The following LZTFL1 variants were observed in gnomAD, a reference collection of about 807,000 sequenced individuals.
LZTFL1 encodes the protein leucine zipper transcription factor like 1, also known as leucine zipper transcription factor-like protein 1.
In LZTFL1, 25 loss-of-function variants were observed where a neutral mutation model predicts 45.9. The observed-to-expected ratio is 0.54, with a 90% CI of 0.40 to 0.76. The LOEUF (loss-of-function observed/expected upper bound fraction) is 0.76. Among genes scored for constraint, LZTFL1 ranks in the 30% least tolerant of loss-of-function variants. LZTFL1 has a pLI of 0.00. For missense variants in LZTFL1, 277 were observed against 331.1 expected, an observed-to-expected ratio of 0.84 and a Z score of 1.27; for synonymous variants, 93 against 117.4, an observed-to-expected ratio of 0.79 and a Z score of 1.35.
At position 45,826,320 on chromosome 3, in the gene LZTFL1, T is replaced by C. The variant is rs370640323; in HGVS notation, c.894A>G (p.Glu298=). The C allele has an allele frequency of 6.2e-7, 1 of 1,612,488 alleles. No homozygotes were observed. Among genetic ancestry groups the C allele is most frequent in the African/African-American group, 1.3e-5 (1 of 74,900 alleles). Residue 298 remains glutamate (E), a synonymous_variant, in exon 10 of 10, where the codon GAA becomes GAG. Coordinates refer to ENST00000296135, the MANE Select transcript of LZTFL1 (RefSeq NM_020347.4). ...LRKRLAQYEP[E]D is the part of the protein sequence containing the mutation. Reference sequence around the variant, plus strand: ...CCAGAGGAAATCTTCAGTTTTAATCTTCAGGTTCATATCTGGAGATATAAA... The same window carrying C: ...CCAGAGGAAATCTTCAGTTTTAATCCTCAGGTTCATATCTGGAGATATAAA...
Position 45,900,757 on chromosome 3 carries a change from A to G in LZTFL1, c.-215+12363T>C. The G allele has an allele frequency of 6.4e-7, 1 of 1,555,674 alleles. No homozygotes were observed. Among genetic ancestry groups the G allele is most frequent in the Non-Finnish European group, 8.7e-7 (1 of 1,149,882 alleles). ...GAGGTCCATGCCTCTGCCATCAGAC[A>G]GGACCTTCAAAATATTTTCCTTGAC... On this transcript the variant is annotated intron_variant, in intron 2 of 4. Transcript: ENST00000472635. This position sits in a 1 kb window ranked among gnomAD's most constrained non-coding sequence, Gnocchi z 4.7.
intron 4 of LZTFL1, among the ~76,000 whole-genome samples, chr3:45,847,143 A>G (rs937867860): frequency 2.6e-5 from 4 of 152,128 alleles, no homozygotes; most frequent in African/African-American, 7.2e-5. Context: ...TAGCTCTTGA[A>G]TCTTTCTCCA....
chr3:45,870,186 G>A (rs749257795), intron 2 of LZTFL1, among the ~76,000 whole-genome samples: 1 of 152,212 alleles, frequency 6.6e-6, no homozygotes, highest in South Asian at 2.1e-4. Context: ...TGCTCACGAG[G>A]GCATGCAGAA....
At chr3:45,897,992 A>AAC (rs1553617314) in intron 2 of LZTFL1, among the ~76,000 whole-genome samples, 6 of 149,526 alleles carry the variant, frequency 4.0e-5, no homozygotes, top group East Asian at 2.0e-4. Flanking sequence ...AAAAAAAAAA[A>AAC]ACACACAAAA....
intron 2 of LZTFL1, among the ~76,000 whole-genome samples, chr3:45,903,697 G>T (rs1049533830): frequency 6.6e-6 from 1 of 152,246 alleles, no homozygotes; most frequent in South Asian, 2.1e-4. Context: ...GGGGTGAAGC[G>T]CAGGCCTTGC....
intron 2 of LZTFL1, among the ~76,000 whole-genome samples, chr3:45,866,967 G>C (rs937442135): frequency 2.6e-5 from 4 of 151,962 alleles, no homozygotes; most frequent in Admixed American, 2.0e-4. Flanking sequence ...GGGCAACATA[G>C]TGAAACCCCA....
intron 4 of LZTFL1, among the ~76,000 whole-genome samples, chr3:45,848,261 G>C (rs1003440256): frequency 6.6e-6 from 1 of 152,190 alleles, no homozygotes; most frequent in Non-Finnish European, 1.5e-5. Flanking sequence ...ACGCCTTCAT[G>C]AATTTCCTTT....
chr3:45,901,030 C>T lies in LZTFL1; in HGVS notation c.-215+12090G>A, dbSNP rs200033259. On this transcript the variant is annotated intron_variant, in intron 2 of 4. Coordinates refer to the LZTFL1 transcript ENST00000472635. This position sits in a 1 kb window ranked among gnomAD's most constrained non-coding sequence, Gnocchi z 4.3. ...TACTGGTACTGCACAAGAGTGAAGACCATGACCGACATGTTCCTTTTGAAT... is the reference window on the plus strand; with the variant it reads ...TACTGGTACTGCACAAGAGTGAAGATCATGACCGACATGTTCCTTTTGAAT... 1.2e-6 allele frequency: 2 copies of T among 1,614,200 alleles called. No individual in the cohort carries two copies. The highest frequency in any genetic ancestry group is 2.2e-5 in the South Asian group (2 of 91,084).
chr3:45,835,301 T>C (rs2125686279), intron 3 of LZTFL1: 2 of 339,960 alleles, frequency 5.9e-6, no homozygotes, highest in South Asian at 7.9e-5. Context: ...ATGGTAATAC[T>C]GACCAAGCTA....
chr3:45,915,434 GT>G (rs1702879934), exon 1 of LZTFL1: 1 of 447,738 alleles, frequency 2.2e-6, no homozygotes, highest in South Asian at 1.6e-5. Context: ...GAAGACGGAC[GT>G]TTTGGCCTCC....
intron 2 of LZTFL1, among the ~76,000 whole-genome samples, chr3:45,865,258 A>G (rs776503013): frequency 1.6e-4 from 25 of 152,274 alleles, no homozygotes; most frequent in Non-Finnish European, 3.1e-4. Context: ...GAGGAAGGGT[A>G]AACAGAATTC....
intron 4 of LZTFL1, 143 bp downstream of exon 4, chr3:45,834,095 T>C (rs994193024): frequency 2.9e-5 from 17 of 582,166 alleles, no homozygotes; most frequent in East Asian, 1.4e-4. Context: ...CCTGAAAATA[T>C]GATAGACAAT....
chr3:45,852,859 T>C (rs1701328913), intron 4 of LZTFL1, among the ~76,000 whole-genome samples: 2 of 152,230 alleles, frequency 1.3e-5, no homozygotes. Context: ...GCACCTTCTT[T>C]CTAAGAGCCA....
At chr3:45,906,812 C>T (rs1291867640) in intron 2 of LZTFL1, among the ~76,000 whole-genome samples, 1 of 152,238 alleles carries the variant, frequency 6.6e-6, no homozygotes, top group Non-Finnish European at 1.5e-5. Flanking sequence ...AACACCTGGG[C>T]CTAGGCATGT....
intron 2 of LZTFL1, among the ~76,000 whole-genome samples, chr3:45,898,296 G>A (rs1279289701): frequency 1.3e-5 from 2 of 152,164 alleles, no homozygotes; most frequent in African/African-American, 4.8e-5. Flanking sequence ...TGGTTCCCGT[G>A]TCCAGCGTTG....
intron 2 of LZTFL1, among the ~76,000 whole-genome samples, chr3:45,882,839 T>C (rs570448670): frequency 2.0e-5 from 3 of 149,672 alleles, no homozygotes; most frequent in South Asian, 2.1e-4. Context: ...ATTATTAACA[T>C]TTTTTTAAAA....
rs937792596 is a variant in LZTFL1 at position 45,833,219 on chromosome 3, A to G, written c.385-98T>C. On this transcript the variant is annotated intron_variant, in intron 4 of 9. Transcript: ENST00000296135. ...TTTGCAAGTGGAAGATACTATATAT[A>G]AACATATTCACTGCGATGTCAGTTC... 6 of 813,786 alleles carry G rather than the reference A, an allele frequency of 7.4e-6. No homozygotes were observed. In the East Asian group the frequency reaches 1.2e-4, roughly 17 times the overall value. 50.4% of individuals were successfully genotyped at this position (813,786 alleles called of 1,614,324 possible).
At chr3:45,904,699 C>T (rs1257637711) in intron 2 of LZTFL1, among the ~76,000 whole-genome samples, 1 of 152,210 alleles carries the variant, frequency 6.6e-6, no homozygotes, top group Non-Finnish European at 1.5e-5. Context: ...AATACAAAGC[C>T]AAGGCTTTCG....
chr3:45,855,485 C>G (rs1371324265), intron 3 of LZTFL1, among the ~76,000 whole-genome samples: 1 of 152,208 alleles, frequency 6.6e-6, no homozygotes, highest in Non-Finnish European at 1.5e-5. Flanking sequence ...TGAAACTGTT[C>G]CCCTTGAAAA....
Sources: gnomAD v4.1 joint callset for allele counts (sites outside exome capture counted in the v4.1 genomes callset) on GRCh38, gnomAD v4.1.1 for gene constraint, Gnocchi (gnomAD v3.1) non-coding constraint, MANE v1.5 for transcripts, NCBI Gene and HGNC (gene_info 2026-07-23, HGNC 2026-07-21) for gene names.